Variants in DCAF8L2 observed in about 807,000 individuals in gnomAD.
The protein encoded by DCAF8L2 is DDB1- and CUL4-associated factor 8-like protein 2.
For synonymous variants in DCAF8L2, 200 were observed against 190.9 expected (o/e 1.05, Z -0.39); for missense variants, 430 against 490.7 (o/e 0.88, Z 1.17).
intron 4 of DCAF8L2, among the ~76,000 whole-genome samples, chrX:27,738,304 G>T (rs1921651125): frequency 9.0e-6 from 1 of 111,515 alleles, no homozygotes; most frequent in African/African-American, 3.3e-5. Flanking sequence ...ACACATGATA[G>T]TGCTCTGAAT....
the DCAF8L2 span, among the ~76,000 whole-genome samples, chrX:27,565,621 T>C: frequency 1.8e-5 from 2 of 111,507 alleles, no homozygotes; most frequent in Admixed American, 1.9e-4. Context: ...TTAAGAAGGA[T>C]TGGTATTAAT....
At chrX:27,471,547 A>T in the DCAF8L2 span, among the ~76,000 whole-genome samples, 1 of 110,945 alleles carries the variant, frequency 9.0e-6, no homozygotes, top group East Asian at 2.8e-4. Context: ...CCACGCCCCT[A>T]TATTTTCATA....
chrX:27,629,790 C>G (rs372679786), intron 1 of DCAF8L2, among the ~76,000 whole-genome samples: 1 of 111,349 alleles, frequency 9.0e-6, no homozygotes, highest in Non-Finnish European at 1.9e-5. Flanking sequence ...TTTAGCTATT[C>G]TGTGTCTTTT....
intron 3 of DCAF8L2, among the ~76,000 whole-genome samples, chrX:27,689,842 C>T (rs1390417678): frequency 1.8e-5 from 2 of 111,493 alleles, no homozygotes; most frequent in Admixed American, 1.9e-4. Flanking sequence ...ACCAGAAAAA[C>T]AAACACATAA....
chrX:27,711,887 A>G (rs1296997630), intron 3 of DCAF8L2, among the ~76,000 whole-genome samples: 1 of 110,985 alleles, frequency 9.0e-6, no homozygotes, highest in East Asian at 2.8e-4. Flanking sequence ...TATATCTAGC[A>G]CTATTCAGGT....
At chrX:27,590,991 T>TTTTA (rs761150025) in intron 1 of DCAF8L2, among the ~76,000 whole-genome samples, 1 of 68,055 alleles carries the variant, frequency 1.5e-5, no homozygotes, top group African/African-American at 4.4e-5. Context: ...CCTTTACATT[T>TTTTA]TATATATATA....
chrX:27,529,413 A>C, the DCAF8L2 span, among the ~76,000 whole-genome samples: 1 of 111,732 alleles, frequency 8.9e-6, no homozygotes, highest in Non-Finnish European at 1.9e-5. Context: ...TAACATAAAA[A>C]TTAGATCAGG....
At chrX:27,629,100 C>CTTTTTTTTTTTTTTTTTTTTTTTTTTTT (rs1268568245) in intron 1 of DCAF8L2, among the ~76,000 whole-genome samples, 1 of 111,453 alleles carries the variant, frequency 9.0e-6, no homozygotes, top group Non-Finnish European at 1.9e-5. Flanking sequence ...GTATGAGTTT[C>CTTTTTTTTTTTTTTTTTTTTTTTTTTTT]TTATATATTT....
the DCAF8L2 span, among the ~76,000 whole-genome samples, chrX:27,550,721 T>C: frequency 1.8e-5 from 2 of 111,043 alleles, no homozygotes; most frequent in Non-Finnish European, 3.8e-5. Context: ...ACTACTATTC[T>C]ATTCTCTACT....
the DCAF8L2 span, among the ~76,000 whole-genome samples, chrX:27,509,213 A>C: frequency 9.0e-6 from 1 of 111,375 alleles, no homozygotes; most frequent in South Asian, 3.8e-4. Flanking sequence ...GAAAATCAGA[A>C]ACTTTGGGAT....
chrX:27,508,654 A>G, the DCAF8L2 span, among the ~76,000 whole-genome samples: 1 of 104,401 alleles, frequency 9.6e-6, no homozygotes, highest in Non-Finnish European at 2.0e-5. Flanking sequence ...ATGGGTCTGA[A>G]TATTTTGACT....
chrX:27,548,338 AAG>A, the DCAF8L2 span, among the ~76,000 whole-genome samples: 1 of 111,496 alleles, frequency 9.0e-6, no homozygotes, highest in South Asian at 3.8e-4. Context: ...CCTAACTAAA[AAG>A]AGTCCTTTTT....
chrX:27,490,845 C>A, the DCAF8L2 span, among the ~76,000 whole-genome samples: 1 of 111,281 alleles, frequency 9.0e-6, no homozygotes, highest in South Asian at 3.8e-4. Context: ...GCAACTTCCA[C>A]CCTCCCACCA....
chrX:27,637,701 A>G (rs1928556889), intron 2 of DCAF8L2, among the ~76,000 whole-genome samples: 1 of 112,558 alleles, frequency 8.9e-6, no homozygotes, highest in South Asian at 3.6e-4. Context: ...AAAATGAAAT[A>G]AAATCATTTA....
At chrX:27,556,114 G>C in the DCAF8L2 span, among the ~76,000 whole-genome samples, 1 of 111,566 alleles carries the variant, frequency 9.0e-6, no homozygotes. Context: ...CCTTGGGAAA[G>C]TGGTTCCCTT....
At chrX:27,519,351 G>A in the DCAF8L2 span, 180 of 1,144,706 alleles carry the variant, frequency 1.6e-4, 2 homozygotes, top group South Asian at 1.1e-3. Context: ...CTGAAGAGGC[G>A]AAGTCTGCCG....
chrX:27,692,281 A>C (rs1164004859), intron 3 of DCAF8L2, among the ~76,000 whole-genome samples: 2 of 111,646 alleles, frequency 1.8e-5, no homozygotes, highest in Admixed American at 1.9e-4. Context: ...CTTAATGTGA[A>C]TGTCAAGGGA....
intron 4 of DCAF8L2, among the ~76,000 whole-genome samples, chrX:27,745,784 A>T (rs1922130290): frequency 8.9e-6 from 1 of 112,010 alleles, no homozygotes; most frequent in Admixed American, 9.5e-5. Flanking sequence ...GAAACTATTA[A>T]ATTAACACAG....
the DCAF8L2 span, among the ~76,000 whole-genome samples, chrX:27,546,593 A>G: frequency 1.8e-5 from 2 of 112,492 alleles, no homozygotes; most frequent in African/African-American, 6.5e-5. Flanking sequence ...AGGCATTTCC[A>G]TACATACTGT....
Sources: gnomAD v4.1 joint callset for allele counts (sites outside exome capture counted in the v4.1 genomes callset) on GRCh38, gnomAD v4.1.1 for gene constraint, MANE v1.5 for transcripts, NCBI Gene and HGNC (gene_info 2026-07-23, HGNC 2026-07-21) for gene names.